The following NKAIN1 variants were observed in gnomAD, a reference collection of about 807,000 sequenced individuals.
NKAIN1 encodes the protein sodium/potassium-transporting ATPase subunit beta-1-interacting protein 1.
NKAIN1 carries 13 observed loss-of-function variants against 31.6 expected under a neutral mutation model. That is an observed-to-expected ratio of 0.41 (90% CI 0.27 to 0.65). The LOEUF is 0.65. NKAIN1 is among the 30% of genes least tolerant of loss of function. The pLI, the probability that NKAIN1 is intolerant of heterozygous loss-of-function variation, is 0.30. For missense variants in NKAIN1, 193 were observed against 262.2 expected (o/e 0.74, Z 1.82); for synonymous variants, 104 against 109.0 (o/e 0.95, Z 0.28).
At chr1:31,192,615 A>G (rs968835203) in intron 1 of NKAIN1, among the ~76,000 whole-genome samples, 1 of 151,284 alleles carries the variant, frequency 6.6e-6, no homozygotes, top group Admixed American at 6.6e-5. Flanking sequence ...CAGTGGCGTG[A>G]TATCAGCTCA....
Position 31,182,571 on chromosome 1 carries a change from G to A in NKAIN1, c.491C>T (p.Ala164Val). 6.2e-7 allele frequency: 1 copy of A among 1,614,160 alleles called. No individual in the cohort carries two copies. Among genetic ancestry groups the A allele is most frequent in the Non-Finnish European group, 8.5e-7 (1 of 1,180,016 alleles). The change falls in exon 5 of 7, where the codon GCC becomes GTC. Residue 164 changes from alanine (A) to valine (V), a missense_variant. Coordinates refer to ENST00000373736, the MANE Select transcript of NKAIN1 (RefSeq NM_024522.3). The stretch of plus-strand genomic sequence containing the variant: ...CAGGAACACTTTGCTCACGTAGCAG[G>A]CGAACACGAAGCCGAACAGCTGGGA... Reference protein sequence around the residue: ...IFLALFGFVFACYVSKVFLEE... With the variant: ...IFLALFGFVFVCYVSKVFLEE...
intron 1 of NKAIN1, among the ~76,000 whole-genome samples, chr1:31,192,971 G>T (rs1480941311): frequency 1.3e-5 from 2 of 151,506 alleles, no homozygotes; most frequent in Non-Finnish European, 2.9e-5. Context: ...TTTGGGACTA[G>T]CCTTGGCAAC....
At chr1:31,215,702 C>T (rs919949223) in intron 1 of NKAIN1, among the ~76,000 whole-genome samples, 1 of 152,056 alleles carries the variant, frequency 6.6e-6, no homozygotes, top group South Asian at 2.1e-4. Flanking sequence ...AACCGAAGGC[C>T]CTGGGAGGGA....
At chr1:31,190,414 T>C (rs186050347) in intron 1 of NKAIN1, among the ~76,000 whole-genome samples, 1 of 152,316 alleles carries the variant, frequency 6.6e-6, no homozygotes, top group East Asian at 1.9e-4. Flanking sequence ...CTGGAATCAT[T>C]ATTTCATTTT....
chr1:31,190,625 C>T lies in NKAIN1; in HGVS notation c.55-2438G>A, dbSNP rs77794852. ...GACTCCTGGGTGACTTTGGGCAGCC[C>T]ACTTTCCCCGCTGGGTTTGGGGCTC... On this transcript the variant is annotated intron_variant, in intron 1 of 6. Transcript: ENST00000373736. Among the ~76,000 whole-genome samples the T allele has an allele frequency of 4.0e-3, 609 of 152,248 alleles. 38 individuals carry two copies. In the East Asian group the frequency reaches 0.098, roughly 24 times the overall value.
At position 31,239,374 on chromosome 1, in the gene NKAIN1, C is replaced by T; in HGVS notation, c.54+120G>A. Reference sequence around the variant, plus strand: ...CCGCTCCGAGACTCCAGACCACCCCCCGCCCGGGCACACGCACCAGACACA... The same window carrying T: ...CCGCTCCGAGACTCCAGACCACCCCTCGCCCGGGCACACGCACCAGACACA... On this transcript the variant is annotated intron_variant, in intron 1 of 6. Coordinates refer to ENST00000373736, the MANE Select transcript of NKAIN1 (RefSeq NM_024522.3). This position sits in a 1 kb window ranked among gnomAD's most constrained non-coding sequence, Gnocchi z 4.8. 1 of 695,456 alleles carries T rather than the reference C, an allele frequency of 1.4e-6. No individual in the cohort carries two copies. The highest frequency in any genetic ancestry group is 2.1e-6 in the Non-Finnish European group (1 of 487,394). 43.1% of individuals were successfully genotyped at this position (695,456 alleles called of 1,614,324 possible). A position where few individuals can be genotyped will look rare whatever the true frequency, so the allele number is the denominator to read the frequency against.
intron 1 of NKAIN1, among the ~76,000 whole-genome samples, chr1:31,201,385 GTC>G (rs1310442566): frequency 7.0e-6 from 1 of 142,898 alleles, no homozygotes; most frequent in African/African-American, 2.6e-5. Context: ...TTGAGACGGA[GTC>G]TCTCTCTGTC....
chr1:31,238,965 A>G (rs577187356), intron 1 of NKAIN1, among the ~76,000 whole-genome samples: 35 of 152,218 alleles, frequency 2.3e-4, no homozygotes, highest in Non-Finnish European at 4.7e-4. Flanking sequence ...AACATGGGCC[A>G]GAAATGGTCA....
At chr1:31,230,111 C>T (rs1196257295) in intron 1 of NKAIN1, among the ~76,000 whole-genome samples, 1 of 152,140 alleles carries the variant, frequency 6.6e-6, no homozygotes, top group African/African-American at 2.4e-5. Context: ...CTTGAGCCTT[C>T]CATTCATTGA....
rs1645714905 is a variant in NKAIN1 at position 31,239,260 on chromosome 1, C to A, written c.54+234G>T. On this transcript the variant is annotated intron_variant, in intron 1 of 6. Transcript: ENST00000373736. The surrounding 1 kb of genome is among the most constrained non-coding windows in gnomAD (Gnocchi z 4.8). ...GCGGGCCGGGGACTCGCGCACAGGA[C>A]GCACTTGGGGACCGGAGGAGCGCCG... 6.6e-6 allele frequency among the ~76,000 whole-genome samples: 1 copy of A among 152,098 alleles called. No homozygotes were observed. The highest frequency in any genetic ancestry group is 2.1e-4 in the South Asian group (1 of 4,826).
intron 1 of NKAIN1, among the ~76,000 whole-genome samples, chr1:31,232,968 A>C (rs1169931889): frequency 6.6e-6 from 1 of 152,106 alleles, no homozygotes; most frequent in Non-Finnish European, 1.5e-5. Context: ...TCACTTGTAG[A>C]TACAGGTTAC....
rs537801969 is a variant in NKAIN1, at chr1:31,231,761, A to T, written c.54+7733T>A. ...TAGCCAGGATGGTCTCGATCTCCTG[A>T]CCTTGTGATCCGCCCGCCTTGGCCT... is the stretch of plus-strand genomic sequence containing the variant. On this transcript the variant is annotated intron_variant, in intron 1 of 6. Coordinates refer to ENST00000373736, the MANE Select transcript of NKAIN1 (RefSeq NM_024522.3). 7.4e-5 allele frequency among the ~76,000 whole-genome samples: 11 copies of T among 148,326 alleles called. No individual in the cohort carries two copies. The South Asian group carries it at 1.5e-3, about 20-fold the overall frequency.
At chr1:31,224,681 C>A (rs945086207) in intron 1 of NKAIN1, among the ~76,000 whole-genome samples, 1 of 152,224 alleles carries the variant, frequency 6.6e-6, no homozygotes, top group Non-Finnish European at 1.5e-5. Flanking sequence ...GCGTAAGTGC[C>A]CTGCCCGGGG....
Position 31,195,546 on chromosome 1 carries a change from C to A in NKAIN1, c.55-7359G>T, listed in dbSNP as rs115414759. Among the ~76,000 whole-genome samples the A allele has an allele frequency of 2.9e-3, 434 of 152,254 alleles. 3 individuals carry two copies. Among genetic ancestry groups the A allele is most frequent in the Non-Finnish European group, 4.6e-3 (313 of 68,022 alleles). On this transcript the variant is annotated intron_variant, in intron 1 of 6. Transcript: ENST00000373736. ...GCCCACACCATCCACAGTCCCTTCT[C>A]TCTTGTAAACATAGCCTCTCCCTCT...
chr1:31,181,642 C>A lies in NKAIN1; in HGVS notation c.*61G>T. The A allele has an allele frequency of 7.0e-7, 1 of 1,422,872 alleles. No homozygotes were observed. Among genetic ancestry groups the A allele is most frequent in the Non-Finnish European group, 9.3e-7 (1 of 1,080,758 alleles). The allele number at this position is 1,422,872 out of a possible 1,614,324, so 88.1% of individuals were successfully genotyped here. A position where few individuals can be genotyped will look rare whatever the true frequency, so the allele number is the denominator to read the frequency against. Reference sequence around the variant, plus strand: ...AGGGGGACACGCCTGCGCCTTGGCCCGAGCTCGCGGCAGCTGCGGTCAGCC... The same window carrying A: ...AGGGGGACACGCCTGCGCCTTGGCCAGAGCTCGCGGCAGCTGCGGTCAGCC... On this transcript the variant is annotated 3_prime_UTR_variant, in exon 7 of 7. Transcript: ENST00000373736.
chr1:31,225,282 T>G (rs373968619), intron 1 of NKAIN1, among the ~76,000 whole-genome samples: 10 of 143,400 alleles, frequency 7.0e-5, no homozygotes, highest in African/African-American at 2.3e-4. Flanking sequence ...CGCCTCAGCC[T>G]CCCAAAGTGC....
chr1:31,230,185 T>C (rs573751984), intron 1 of NKAIN1, among the ~76,000 whole-genome samples: 43 of 152,244 alleles, frequency 2.8e-4, no homozygotes, highest in Non-Finnish European at 4.0e-4. Flanking sequence ...CAGCCTCATA[T>C]CCTGGGCATT....
At chr1:31,207,537 G>A (rs1645434149) in intron 1 of NKAIN1, among the ~76,000 whole-genome samples, 1 of 152,104 alleles carries the variant, frequency 6.6e-6, no homozygotes. Context: ...GTCACTTTGA[G>A]GCCAGGTGGT....
rs561819746 is a variant in NKAIN1, at chr1:31,233,402, G to A, written c.54+6092C>T. Reference sequence around the variant, plus strand: ...TTTCTCCACCTGCTTCCACTCCAGCGTCCCACAATACTAGCAGGGGGCAAT... The same window carrying A: ...TTTCTCCACCTGCTTCCACTCCAGCATCCCACAATACTAGCAGGGGGCAAT... On this transcript the variant is annotated intron_variant, in intron 1 of 6. Transcript: ENST00000373736. This position sits in a 1 kb window ranked among gnomAD's most constrained non-coding sequence, Gnocchi z 4.0. Among the ~76,000 whole-genome samples the A allele has an allele frequency of 2.2e-4, 34 of 152,302 alleles. No homozygotes were observed. The South Asian group carries it at 3.1e-3, about 14-fold the overall frequency.
Sources: allele counts gnomAD v4.1 joint callset (sites outside exome capture counted in the v4.1 genomes callset), GRCh38; gene constraint gnomAD v4.1.1; non-coding constraint Gnocchi (gnomAD v3.1); transcripts MANE v1.5; gene names NCBI Gene and HGNC (gene_info 2026-07-23, HGNC 2026-07-21).